The following PALM variants were observed in gnomAD, a reference collection of about 807,000 sequenced individuals.
PALM encodes paralemmin-1.
A neutral mutation model predicts 30.7 loss-of-function variants in PALM; 18 were observed. The observed-to-expected ratio is 0.59, with a 90% CI of 0.41 to 0.87. The LOEUF (loss-of-function observed/expected upper bound fraction) is 0.87. Ranked by LOEUF, PALM falls within the 40% of genes least tolerant of loss-of-function variation. The pLI is 0.00. For synonymous variants in PALM, 286 were observed against 242.8 expected, an observed-to-expected ratio of 1.18 and a Z score of -1.66; for missense variants, 529 against 555.4, an observed-to-expected ratio of 0.95 and a Z score of 0.48.
intron 7 of PALM, among the ~76,000 whole-genome samples, chr19:739,833 G>A (rs922709148): frequency 6.6e-6 from 1 of 152,172 alleles, no homozygotes; most frequent in African/African-American, 2.4e-5. Flanking sequence ...AAAATTAGCT[G>A]GGCGTGGTGG....
At chr19:712,395 T>C (rs1345430908) in intron 1 of PALM, among the ~76,000 whole-genome samples, 1 of 149,702 alleles carries the variant, frequency 6.7e-6, no homozygotes, top group African/African-American at 2.4e-5. Context: ...TGATCCTTCT[T>C]TTTTTTTTTG....
In PALM at chr19:709,167, C is replaced by T; in HGVS notation, c.5+16C>T. Reference sequence around the variant, plus strand: ...GGGAGATGGAGTGAGTAGGCGCGCTCGGGCCGCGGGGCTGGGGGCCCGGAG... The same window carrying T: ...GGGAGATGGAGTGAGTAGGCGCGCTTGGGCCGCGGGGCTGGGGGCCCGGAG... On this transcript the variant is annotated intron_variant, in intron 1 of 8. Coordinates refer to ENST00000338448, the MANE Select transcript of PALM (RefSeq NM_002579.3). This position sits in a 1 kb window ranked among gnomAD's most constrained non-coding sequence, Gnocchi z 4.3. 3.1e-6 allele frequency: 1 copy of T among 321,186 alleles called. No homozygotes were observed. Among genetic ancestry groups the T allele is most frequent in the Non-Finnish European group, 5.7e-6 (1 of 176,340 alleles). 19.9% of individuals were successfully genotyped at this position (321,186 alleles called of 1,614,324 possible).
intron 1 of PALM, among the ~76,000 whole-genome samples, chr19:720,869 G>A (rs551380823): frequency 8.5e-5 from 13 of 152,316 alleles, no homozygotes; most frequent in Non-Finnish European, 1.6e-4. Context: ...CTGGGCAGTC[G>A]GCGACCAGCC....
intron 1 of PALM, among the ~76,000 whole-genome samples, chr19:716,720 G>A (rs1599136550): frequency 6.6e-6 from 1 of 152,178 alleles, no homozygotes; most frequent in African/African-American, 2.4e-5. Context: ...CACTCCATGG[G>A]GGTTGGGAAG....
At chr19:725,098 T>C (rs1363394132) in intron 1 of PALM, among the ~76,000 whole-genome samples, 1 of 151,874 alleles carries the variant, frequency 6.6e-6, no homozygotes, top group Non-Finnish European at 1.5e-5. Flanking sequence ...CTAATTTTTG[T>C]ATTTCTTGGT....
intron 1 of PALM, among the ~76,000 whole-genome samples, chr19:724,980 C>T (rs557937860): frequency 5.1e-4 from 78 of 151,814 alleles, no homozygotes; most frequent in African/African-American, 1.8e-3. Context: ...AGGGCAGTGG[C>T]GCGATCTCGG....
chr19:716,546 G>A (rs2032267082), intron 1 of PALM, among the ~76,000 whole-genome samples: 1 of 152,226 alleles, frequency 6.6e-6, no homozygotes, highest in Non-Finnish European at 1.5e-5. Flanking sequence ...GAGGCTGTGG[G>A]CAATGGAGGC....
chr19:746,256 G>A lies in PALM; in HGVS notation c.635-29G>A, dbSNP rs1318520814. ...TCTCTGTCCCTCCTGCCTGGAGCTG[G>A]GTCATTCTCTCTGTCTCTCCTTGTA... On this transcript the variant is annotated intron_variant, in intron 8 of 8. Coordinates refer to ENST00000338448, the MANE Select transcript of PALM (RefSeq NM_002579.3). The surrounding 1 kb of genome is among the most constrained non-coding windows in gnomAD (Gnocchi z 7.1). 6.3e-7 allele frequency: 1 copy of A among 1,597,200 alleles called. No homozygotes were observed. Among genetic ancestry groups the A allele is most frequent in the Non-Finnish European group, 8.5e-7 (1 of 1,169,892 alleles).
Position 718,620 on chromosome 19 carries a change from T to TC in PALM, c.6-7513dup, listed in dbSNP as rs547761900. On this transcript the variant is annotated intron_variant, in intron 1 of 8. Coordinates refer to ENST00000338448, the MANE Select transcript of PALM (RefSeq NM_002579.3). ...CTGCTTTGACCTCCGTCTTCTCCTC[T>TC]CCCCCGGGGTGATGCCTCTCTGCCG... Among the ~76,000 whole-genome samples, 658 of 151,982 alleles carry TC rather than the reference T, an allele frequency of 4.3e-3. 8 individuals are homozygous for TC. The highest frequency in any genetic ancestry group is 0.015 in the African/African-American group (608 of 41,406).
intron 1 of PALM, among the ~76,000 whole-genome samples, chr19:713,113 C>G (rs1449862432): frequency 6.6e-6 from 1 of 152,176 alleles, no homozygotes; most frequent in Non-Finnish European, 1.5e-5. Context: ...CATGCTCTCT[C>G]TAAGCCGCCG....
rs1168430877 is a variant in PALM, at chr19:728,019, C to T, written c.269+325C>T. Among the ~76,000 whole-genome samples, 6 of 94,740 alleles carry T rather than the reference C, an allele frequency of 6.3e-5. No individual in the cohort carries two copies. In the South Asian group the frequency reaches 1.3e-3, roughly 21 times the overall value. The allele number at this position is 94,740 out of a possible 152,430, so 62.2% of individuals were successfully genotyped here. ...CTCCTGGGTCCCTGGAGCTGGCCAGCGGGGGACGTGACGTCGAGCTCGTGG... is the reference window on the plus strand; with the variant it reads ...CTCCTGGGTCCCTGGAGCTGGCCAGTGGGGGACGTGACGTCGAGCTCGTGG... On this transcript the variant is annotated intron_variant, in intron 4 of 8. Transcript: ENST00000338448.
At chr19:738,925 A>C (rs1198642884) in intron 7 of PALM, among the ~76,000 whole-genome samples, 4 of 152,172 alleles carry the variant, frequency 2.6e-5, no homozygotes, top group East Asian at 3.9e-4. Context: ...GCCTGTGCAA[A>C]GGCCCTGAGG....
intron 2 of PALM, 35 bp downstream of exon 2, chr19:726,224 G>C (rs775365410): frequency 2.2e-5 from 36 of 1,601,234 alleles, no homozygotes; most frequent in Non-Finnish European, 2.9e-5. Flanking sequence ...GGTGTGGTCA[G>C]GGTGGGGAAG....
chr19:721,949 C>T (rs1221164140), intron 1 of PALM, among the ~76,000 whole-genome samples: 4 of 150,272 alleles, frequency 2.7e-5, no homozygotes, highest in East Asian at 2.0e-4. Flanking sequence ...GACGGAGTCT[C>T]GCTCTGTCGC....
In PALM at chr19:722,079, G is replaced by C. The variant is rs542230074; in HGVS notation, c.6-4059G>C. Among the ~76,000 whole-genome samples the C allele has an allele frequency of 5.0e-3, 756 of 150,922 alleles. 4 individuals carry two copies. Among genetic ancestry groups the C allele is most frequent in the Non-Finnish European group, 8.9e-3 (600 of 67,686 alleles). Reference sequence around the variant, plus strand: ...GACTACAGGCACCCGCCACCACGCCGGGCTAATTTTTTGTGTTTTTAGTAG... The same window carrying C: ...GACTACAGGCACCCGCCACCACGCCCGGCTAATTTTTTGTGTTTTTAGTAG... On this transcript the variant is annotated intron_variant, in intron 1 of 8. Coordinates refer to ENST00000338448, the MANE Select transcript of PALM (RefSeq NM_002579.3).
rs888132270 is a variant in PALM, at chr19:709,143, G to A, written c.-4G>A. Reference sequence around the variant, plus strand: ...CGCGGACCCACCCGGACCTCGGCGGGGAGATGGAGTGAGTAGGCGCGCTCG... The same window carrying A: ...CGCGGACCCACCCGGACCTCGGCGGAGAGATGGAGTGAGTAGGCGCGCTCG... On this transcript the variant is annotated 5_prime_UTR_variant, in exon 1 of 9. Transcript: ENST00000338448. The surrounding 1 kb of genome is among the most constrained non-coding windows in gnomAD (Gnocchi z 4.3). 6 of 320,998 alleles carry A rather than the reference G, an allele frequency of 1.9e-5. No homozygotes were observed. In the Admixed American group the frequency reaches 3.0e-4, roughly 16 times the overall value. The allele number at this position is 320,998 out of a possible 1,614,324, so 19.9% of individuals were successfully genotyped here. A position where few individuals can be genotyped will look rare whatever the true frequency, so the allele number is the denominator to read the frequency against.
At position 746,882 on chromosome 19, in the gene PALM, C is replaced by T; in HGVS notation, c.*68C>T. On this transcript the variant is annotated 3_prime_UTR_variant, in exon 9 of 9. Transcript: ENST00000338448. This position sits in a 1 kb window ranked among gnomAD's most constrained non-coding sequence, Gnocchi z 7.1. ...CCCACCAGCCCGGCCCCTCCCGGCG[C>T]CTGCCCACCCTCCACCCACAGCCTC... 1 of 891,768 alleles carries T rather than the reference C, an allele frequency of 1.1e-6. No homozygotes were observed. Among genetic ancestry groups the T allele is most frequent in the Non-Finnish European group, 1.7e-6 (1 of 597,460 alleles). 55.2% of individuals were successfully genotyped at this position (891,768 alleles called of 1,614,324 possible). A position where few individuals can be genotyped will look rare whatever the true frequency, so the allele number is the denominator to read the frequency against.
intron 7 of PALM, among the ~76,000 whole-genome samples, chr19:738,482 C>T (rs575706074): frequency 3.3e-5 from 5 of 151,866 alleles, no homozygotes; most frequent in South Asian, 2.1e-4. Context: ...TCTGAGATCA[C>T]GCCACTGCAC....
At chr19:743,368 G>A (rs2033245849) in intron 8 of PALM, among the ~76,000 whole-genome samples, 1 of 152,178 alleles carries the variant, frequency 6.6e-6, no homozygotes, top group African/African-American at 2.4e-5. Context: ...GCTGGACACT[G>A]GTTGCTTAGC....
Sources: allele counts gnomAD v4.1 joint callset (sites outside exome capture counted in the v4.1 genomes callset), GRCh38; gene constraint gnomAD v4.1.1; non-coding constraint Gnocchi (gnomAD v3.1); transcripts MANE v1.5; gene names NCBI Gene and HGNC (gene_info 2026-07-23, HGNC 2026-07-21).